ANKS1B: variants seen among roughly 807,000 people sequenced by gnomAD.
ANKS1B encodes ankyrin repeat and sterile alpha motif domain containing 1B.
Under a neutral mutation model 148.3 loss-of-function variants are expected in ANKS1B, and 36 were observed. The observed-to-expected ratio is 0.24, with a 90% CI of 0.19 to 0.32. The LOEUF (loss-of-function observed/expected upper bound fraction) is 0.32. Ranked by LOEUF, ANKS1B falls within the 10% of genes least tolerant of loss-of-function variation. The pLI is 1.00. For missense variants in ANKS1B, 1,157 were observed against 1,542.6 expected, an observed-to-expected ratio of 0.75 and a Z score of 4.19; for synonymous variants, 542 against 560.8, an observed-to-expected ratio of 0.97 and a Z score of 0.47.
chr12:99,801,768 T>G (rs1322329599), intron 4 of ANKS1B, among the ~76,000 whole-genome samples: 1 of 152,126 alleles, frequency 6.6e-6, no homozygotes, highest in Non-Finnish European at 1.5e-5. Context: ...AAAATATTTG[T>G]CAGAGTTCCC....
intron 9 of ANKS1B, among the ~76,000 whole-genome samples, chr12:99,617,477 T>C (rs187438280): frequency 1.3e-5 from 2 of 151,356 alleles, no homozygotes; most frequent in East Asian, 1.9e-4. Context: ...TGAGTTCTTG[T>C]CCTTTGCAGG....
At chr12:98,827,952 T>TG (rs1477429278) in intron 19 of ANKS1B, among the ~76,000 whole-genome samples, 2 of 152,140 alleles carry the variant, frequency 1.3e-5, no homozygotes, top group African/African-American at 4.8e-5. Flanking sequence ...ATGAAAAGTT[T>TG]GGGGGGAAAA....
chr12:99,679,763 G>T (rs539267924), intron 8 of ANKS1B, among the ~76,000 whole-genome samples: 13 of 152,308 alleles, frequency 8.5e-5, no homozygotes, highest in African/African-American at 3.1e-4. Flanking sequence ...GATTATGGAA[G>T]AAAATAACTG....
chr12:98,824,404 CT>C (rs1277445245), intron 19 of ANKS1B, among the ~76,000 whole-genome samples: 62 of 152,262 alleles, frequency 4.1e-4, no homozygotes, highest in African/African-American at 1.4e-3. Flanking sequence ...CTTCAACTCT[CT>C]TTGTCATTAA....
chr12:98,825,097 C>T (rs751403723), intron 19 of ANKS1B, among the ~76,000 whole-genome samples: 5 of 152,072 alleles, frequency 3.3e-5, no homozygotes, highest in African/African-American at 1.2e-4. Context: ...CCAGCTCTAC[C>T]ATTTACCAGC....
chr12:98,984,102 C>G (rs1432512917), intron 17 of ANKS1B, among the ~76,000 whole-genome samples: 1 of 152,160 alleles, frequency 6.6e-6, no homozygotes, highest in Non-Finnish European at 1.5e-5. Flanking sequence ...CACATGCTGA[C>G]AAGTCTTTTG....
chr12:99,719,990 G>T (rs1230194100), intron 8 of ANKS1B, among the ~76,000 whole-genome samples: 1 of 152,022 alleles, frequency 6.6e-6, no homozygotes, highest in African/African-American at 2.4e-5. Flanking sequence ...AAGGCAAATG[G>T]TTCTTAGACC....
At chr12:99,196,648 A>G (rs374255456) in intron 14 of ANKS1B, among the ~76,000 whole-genome samples, 8 of 151,182 alleles carry the variant, frequency 5.3e-5, no homozygotes, top group African/African-American at 1.7e-4. Context: ...TTATACTTTA[A>G]GTTTTAGGGT....
chr12:98,943,822 G>A (rs1339815669), intron 17 of ANKS1B, among the ~76,000 whole-genome samples: 2 of 152,224 alleles, frequency 1.3e-5, no homozygotes, highest in African/African-American at 4.8e-5. Context: ...ATCTTTGGGA[G>A]TTGATATAGT....
intron 10 of ANKS1B, among the ~76,000 whole-genome samples, chr12:99,488,709 T>C (rs1033638598): frequency 6.6e-6 from 1 of 152,186 alleles, no homozygotes; most frequent in African/African-American, 2.4e-5. Flanking sequence ...CTGGACCAAG[T>C]CACGAGCTGG....
At chr12:99,490,519 A>C (rs2152965095) in intron 10 of ANKS1B, among the ~76,000 whole-genome samples, 1 of 152,346 alleles carries the variant, frequency 6.6e-6, no homozygotes, top group Non-Finnish European at 1.5e-5. Flanking sequence ...CTCATCTGTT[A>C]ATACCCAAAA....
chr12:99,799,156 A>C (rs1010187096), intron 4 of ANKS1B, among the ~76,000 whole-genome samples: 10 of 152,108 alleles, frequency 6.6e-5, no homozygotes, highest in Admixed American at 3.3e-4. Context: ...GTAGGCACTC[A>C]ATAAATATAT....
At chr12:98,775,159 T>C (rs997840305) in intron 24 of ANKS1B, among the ~76,000 whole-genome samples, 1 of 152,136 alleles carries the variant, frequency 6.6e-6, no homozygotes, top group African/African-American at 2.4e-5. Flanking sequence ...TCACAGGAAA[T>C]AGGTGCTTCA....
At chr12:99,003,307 A>C (rs964567548) in intron 17 of ANKS1B, among the ~76,000 whole-genome samples, 1 of 152,132 alleles carries the variant, frequency 6.6e-6, no homozygotes, top group African/African-American at 2.4e-5. Flanking sequence ...TATTCCGGCT[A>C]CTCAGGGGCT....
intron 20 of ANKS1B, 112 bp downstream of exon 20, chr12:98,807,732 A>G (rs2099061833): frequency 4.1e-6 from 3 of 737,900 alleles, no homozygotes; most frequent in Non-Finnish European, 6.5e-6. Context: ...GTCACCAGAC[A>G]TTACAAATTT....
chr12:99,014,740 A>G (rs557423994), intron 17 of ANKS1B, among the ~76,000 whole-genome samples: 42 of 152,240 alleles, frequency 2.8e-4, no homozygotes, highest in Non-Finnish European at 5.3e-4. Context: ...TCAAAAGAAG[A>G]CATATATGTG....
chr12:99,496,472 T>C (rs931075745), intron 10 of ANKS1B, among the ~76,000 whole-genome samples: 1 of 152,208 alleles, frequency 6.6e-6, no homozygotes, highest in Non-Finnish European at 1.5e-5. Flanking sequence ...CAGGATTCAA[T>C]AGTGGTCGCA....
chr12:99,724,458 A>C (rs949470678), intron 8 of ANKS1B, among the ~76,000 whole-genome samples: 1 of 152,230 alleles, frequency 6.6e-6, no homozygotes, highest in East Asian at 1.9e-4. Context: ...ATTAGAGGAA[A>C]AAGAATGAAA....
At chr12:99,952,551 T>C (rs777657515) in intron 1 of ANKS1B, among the ~76,000 whole-genome samples, 23 of 152,192 alleles carry the variant, frequency 1.5e-4, no homozygotes, top group Non-Finnish European at 2.9e-4. Flanking sequence ...TCTTCTTGAA[T>C]TGCCTCTGCT....
Sources: gnomAD v4.1 joint callset for allele counts (sites outside exome capture counted in the v4.1 genomes callset) on GRCh38, gnomAD v4.1.1 for gene constraint, MANE v1.5 for transcripts, NCBI Gene and HGNC (gene_info 2026-07-23, HGNC 2026-07-21) for gene names.